The following RORA variants were observed in gnomAD, a reference collection of about 807,000 sequenced individuals.
RORA encodes the protein nuclear receptor ROR-alpha.
In RORA, 7 loss-of-function variants were observed where a neutral mutation model predicts 69.5. That is an observed-to-expected ratio of 0.10 (90% CI 0.06 to 0.19). The LOEUF is 0.19. Among genes scored for constraint, RORA ranks in the 10% least tolerant of loss-of-function variants. The pLI, the probability that RORA is intolerant of heterozygous loss-of-function variation, is 1.00. For missense variants in RORA, 457 were observed against 663.0 expected (o/e 0.69, Z 3.41); for synonymous variants, 261 against 240.8 (o/e 1.08, Z -0.78).
At chr15:60,883,212 T>G (rs545016906) in intron 1 of RORA, among the ~76,000 whole-genome samples, 1 of 148,724 alleles carries the variant, frequency 6.7e-6, no homozygotes, top group African/African-American at 2.5e-5. Flanking sequence ...AAAATGCAGT[T>G]GAATTTAGCT....
chr15:60,906,121 C>T (rs1373868393), intron 1 of RORA, among the ~76,000 whole-genome samples: 1 of 152,164 alleles, frequency 6.6e-6, no homozygotes, highest in African/African-American at 2.4e-5. Context: ...AATATATGAA[C>T]AAGCCTGCTA....
chr15:61,067,177 T>C (rs2078275276), intron 1 of RORA, among the ~76,000 whole-genome samples: 1 of 151,440 alleles, frequency 6.6e-6, no homozygotes, highest in African/African-American at 2.4e-5. Flanking sequence ...AGTGGCATGA[T>C]CTCAGTTCAC....
chr15:60,832,803 C>A (rs2073059982), intron 1 of RORA, among the ~76,000 whole-genome samples: 1 of 152,146 alleles, frequency 6.6e-6, no homozygotes, highest in South Asian at 2.1e-4. Flanking sequence ...AAGTCCGAGG[C>A]TTTACCTGGC....
At chr15:60,715,449 CCTTCA>C (rs1188526461) in intron 1 of RORA, among the ~76,000 whole-genome samples, 1 of 152,184 alleles carries the variant, frequency 6.6e-6, no homozygotes, top group Non-Finnish European at 1.5e-5. Context: ...TCTCCAAAGA[CCTTCA>C]CGTGGTGCCT....
chr15:60,693,616 T>C (rs549779135), intron 1 of RORA, among the ~76,000 whole-genome samples: 1 of 152,140 alleles, frequency 6.6e-6, no homozygotes, highest in Non-Finnish European at 1.5e-5. Flanking sequence ...AAAATCAATA[T>C]GCAAAAATCA....
chr15:60,505,501 A>C lies in RORA; in HGVS notation c.942+7T>G, dbSNP rs1342230009. On this transcript the variant is annotated splice_region_variant and intron_variant, in intron 6 of 10. Transcript: ENST00000335670. ...AATCCTAGGAGGAAAAATTCCTCAG[A>C]TCATACCTTGTTTTGATAGTTCTCA... 1 of 1,613,686 alleles carries C rather than the reference A, an allele frequency of 6.2e-7. No individual in the cohort carries two copies. Among genetic ancestry groups the C allele is most frequent in the Non-Finnish European group, 8.5e-7 (1 of 1,179,768 alleles).
In RORA at chr15:61,080,482, G is replaced by A. The variant is rs77786240; in HGVS notation, c.166+148571C>T. On this transcript the variant is annotated intron_variant, in intron 1 of 10. Coordinates refer to ENST00000335670, the MANE Select transcript of RORA (RefSeq NM_134261.3). ...TTCAATAATCATTTGTTTAGAAGGC[G>A]AATGGATGAATGCAAATAGATACCA... Among the ~76,000 whole-genome samples the A allele has an allele frequency of 2.3e-3, 343 of 152,280 alleles. 10 individuals are homozygous for A. The East Asian group carries it at 0.058, about 26-fold the overall frequency.
chr15:60,861,568 G>T (rs1159821146), intron 1 of RORA, among the ~76,000 whole-genome samples: 1 of 152,110 alleles, frequency 6.6e-6, no homozygotes. Flanking sequence ...TGCCCAGGCT[G>T]GTCTTCAACT....
chr15:61,205,869 C>T (rs10851693), intron 1 of RORA, among the ~76,000 whole-genome samples: 145,509 of 152,082 alleles, frequency 0.96, 69,932 homozygotes, highest in East Asian at 1. Context: ...TTAATGCAGT[C>T]AGGGGAAGGG....
rs1202633106 is a variant in RORA at position 60,493,901 on chromosome 15, TTAG to T, written c.*3551_*3553del. On this transcript the variant is annotated 3_prime_UTR_variant, in exon 11 of 11. Coordinates refer to ENST00000335670, the MANE Select transcript of RORA (RefSeq NM_134261.3). ...AATACATTTTCTTTTCCATTGACAC[TTAG>T]TAGCCTAGAAGCGGTCCGACGCACA... 10 of 151,298 alleles carry T rather than the reference TTAG, an allele frequency of 6.6e-5. No homozygotes were observed. The East Asian group carries it at 9.7e-4, about 15-fold the overall frequency. 9.4% of individuals were successfully genotyped at this position (151,298 alleles called of 1,614,324 possible).
chr15:60,663,519 G>A (rs1277105914), intron 2 of RORA, among the ~76,000 whole-genome samples: 6 of 152,178 alleles, frequency 3.9e-5, no homozygotes, highest in South Asian at 4.1e-4. Context: ...GCAATGACGC[G>A]ATGTTGGCTC....
At chr15:60,906,988 T>C (rs1157114250) in intron 1 of RORA, among the ~76,000 whole-genome samples, 1 of 152,072 alleles carries the variant, frequency 6.6e-6, no homozygotes, top group Non-Finnish European at 1.5e-5. Flanking sequence ...TCAGAGTGAG[T>C]GTGTGACTCA....
intron 1 of RORA, among the ~76,000 whole-genome samples, chr15:60,819,500 T>C (rs978512896): frequency 6.6e-6 from 1 of 152,050 alleles, no homozygotes; most frequent in Non-Finnish European, 1.5e-5. Flanking sequence ...TAAAAACCTA[T>C]CAGTGATTCA....
intron 1 of RORA, among the ~76,000 whole-genome samples, chr15:60,800,261 T>C (rs774693445): frequency 1.3e-5 from 2 of 152,202 alleles, no homozygotes; most frequent in Non-Finnish European, 2.9e-5. Flanking sequence ...AAAAGAAGAA[T>C]GACACGCTGT....
intron 1 of RORA, among the ~76,000 whole-genome samples, chr15:60,836,957 C>T (rs1048367124): frequency 7.2e-5 from 11 of 152,250 alleles, no homozygotes; most frequent in African/African-American, 2.6e-4. Context: ...CAAATCTGAC[C>T]AGGGCCTTTC....
chr15:60,830,196 A>C (rs2073023308), intron 1 of RORA, among the ~76,000 whole-genome samples: 1 of 152,232 alleles, frequency 6.6e-6, no homozygotes, highest in Non-Finnish European at 1.5e-5. Flanking sequence ...TTATAATTGT[A>C]ATATGTATTG....
chr15:61,050,052 C>T (rs982447938), intron 1 of RORA, among the ~76,000 whole-genome samples: 4 of 152,182 alleles, frequency 2.6e-5, no homozygotes, highest in Admixed American at 1.3e-4. Flanking sequence ...ATAGCCAACA[C>T]GTTTGATATG....
chr15:60,608,662 A>G (rs1201812514), intron 2 of RORA, among the ~76,000 whole-genome samples: 1 of 152,198 alleles, frequency 6.6e-6, no homozygotes, highest in Non-Finnish European at 1.5e-5. Flanking sequence ...TGAAAAGGAA[A>G]CAGGAGGCTG....
intron 2 of RORA, among the ~76,000 whole-genome samples, chr15:60,550,094 C>T (rs924950266): frequency 1.3e-5 from 2 of 152,182 alleles, no homozygotes; most frequent in Non-Finnish European, 2.9e-5. Context: ...AGTTCAAGAC[C>T]AGCCTGGCCA....
Sources: gnomAD v4.1 joint callset for allele counts (sites outside exome capture counted in the v4.1 genomes callset) on GRCh38, gnomAD v4.1.1 for gene constraint, MANE v1.5 for transcripts, NCBI Gene and HGNC (gene_info 2026-07-23, HGNC 2026-07-21) for gene names.